UGGT2: variants seen among roughly 807,000 people sequenced by gnomAD.
UGGT2 encodes the protein UDP-glucose glycoprotein glucosyltransferase 2, also known as UDP-glucose:glycoprotein glucosyltransferase 2.
In UGGT2, 180 loss-of-function variants were observed where a neutral mutation model predicts 192.1. The observed-to-expected ratio is 0.94, with a 90% CI of 0.83 to 1.06. The LOEUF is 1.06. Among genes scored for constraint, UGGT2 ranks in the 50% least tolerant of loss-of-function variants. UGGT2 has a pLI of 0.00. For missense variants in UGGT2, 1,849 were observed against 1,795.7 expected (o/e 1.03, Z -0.54); for synonymous variants, 580 against 591.0 (o/e 0.98, Z 0.27).
chr13:95,877,766 C>T lies in UGGT2; in HGVS notation c.3319G>A (p.Gly1107Ser), dbSNP rs199906236. Residue 1107 changes from glycine (G) to serine (S), a missense_variant, in exon 28 of 39, where the codon GGT becomes AGT. Transcript: ENST00000376747. ...FDKVTEQPPR[G>S]LQFTLGTKNK... ...TTTGTGCCTAGTGTGAACTGCAGAC[C>T]CCGAGGAGGCTGTTCTGTCACTTTA... 11 of 1,613,904 alleles carry T rather than the reference C, an allele frequency of 6.8e-6. No individual in the cohort carries two copies. The highest frequency in any genetic ancestry group is 6.8e-6 in the Non-Finnish European group (8 of 1,179,956).
At chr13:95,935,630 T>C (rs1487543742) in intron 17 of UGGT2, among the ~76,000 whole-genome samples, 1 of 152,182 alleles carries the variant, frequency 6.6e-6, no homozygotes, top group Non-Finnish European at 1.5e-5. Context: ...CCTTGTATAG[T>C]ATCTCACAGT....
chr13:95,917,777 T>C (rs911688727), intron 20 of UGGT2, among the ~76,000 whole-genome samples: 1 of 151,958 alleles, frequency 6.6e-6, no homozygotes, highest in Non-Finnish European at 1.5e-5. Context: ...TTTCTGACTT[T>C]AAACCAACAA....
At chr13:95,807,317 T>C (rs1884353654) in intron 38 of UGGT2, among the ~76,000 whole-genome samples, 1 of 152,132 alleles carries the variant, frequency 6.6e-6, no homozygotes, top group African/African-American at 2.4e-5. Context: ...CTGTCTCAGG[T>C]GGCAGAAGTG....
chr13:95,853,139 A>C (rs374786395), intron 36 of UGGT2, among the ~76,000 whole-genome samples: 13 of 152,182 alleles, frequency 8.5e-5, no homozygotes, highest in African/African-American at 3.1e-4. Flanking sequence ...GTGAAGATGG[A>C]CGTGTTTGCT....
intron 37 of UGGT2, among the ~76,000 whole-genome samples, chr13:95,836,260 C>T (rs1290881046): frequency 3.3e-5 from 5 of 152,092 alleles, no homozygotes; most frequent in African/African-American, 4.8e-5. Context: ...ATGTTAGCAA[C>T]GCTGGTCTCG....
chr13:95,967,449 G>A (rs2050620012), intron 12 of UGGT2, among the ~76,000 whole-genome samples: 1 of 148,006 alleles, frequency 6.8e-6, no homozygotes, highest in Admixed American at 6.8e-5. Flanking sequence ...ACCACGCCCA[G>A]CCCCCACGCG....
At chr13:95,846,318 G>A (rs1006560555) in intron 36 of UGGT2, among the ~76,000 whole-genome samples, 20 of 152,144 alleles carry the variant, frequency 1.3e-4, no homozygotes, top group South Asian at 2.1e-4. Flanking sequence ...CCAGGCACTC[G>A]GCAGGCTGAG....
At chr13:96,024,026 C>T (rs1021545649) in intron 2 of UGGT2, among the ~76,000 whole-genome samples, 1 of 152,080 alleles carries the variant, frequency 6.6e-6, no homozygotes, top group African/African-American at 2.4e-5. Context: ...ACATTTCAGA[C>T]CAACTTACTC....
At position 95,909,782 on chromosome 13, in the gene UGGT2, A is replaced by AATAATAATAAT. The variant is rs369897411; in HGVS notation, c.2296-6723_2296-6722insATTATTATTAT. Among the ~76,000 whole-genome samples, 697 of 115,134 alleles carry AATAATAATAAT rather than the reference A, an allele frequency of 6.1e-3. 2 individuals are homozygous for AATAATAATAAT. The highest frequency in any genetic ancestry group is 8.4e-3 in the South Asian group (27 of 3,216). The allele number at this position is 115,134 out of a possible 152,430, so 75.5% of individuals were successfully genotyped here. On this transcript the variant is annotated intron_variant, in intron 20 of 38. Transcript: ENST00000376747. ...ATAATAATAATAATAATAATAATAA[A>AATAATAATAAT]AAAGATTCCTGCCCACTAAAAAAAA...
At chr13:96,039,139 T>G (rs1335081142) in intron 1 of UGGT2, among the ~76,000 whole-genome samples, 1 of 152,204 alleles carries the variant, frequency 6.6e-6, no homozygotes, top group Non-Finnish European at 1.5e-5. Flanking sequence ...CTCTGTGGCC[T>G]GATGCTTCAC....
chr13:95,848,301 G>A (rs1022826009), intron 36 of UGGT2, among the ~76,000 whole-genome samples: 1 of 152,244 alleles, frequency 6.6e-6, no homozygotes. Flanking sequence ...TTTAATTTCA[G>A]TGAAGTCCAG....
chr13:96,010,376 G>C (rs1317361090), intron 5 of UGGT2, among the ~76,000 whole-genome samples: 1 of 152,150 alleles, frequency 6.6e-6, no homozygotes, highest in African/African-American at 2.4e-5. Context: ...ATTTACCTAT[G>C]TAACAAACCT....
intron 11 of UGGT2, among the ~76,000 whole-genome samples, chr13:95,972,327 G>A (rs816138): frequency 0.97 from 147,984 of 152,298 alleles, 72,047 homozygotes; most frequent in East Asian, 1. Flanking sequence ...TCTTCAATAA[G>A]AGACAGTTTA....
At chr13:95,931,790 C>T (rs538901988) in intron 17 of UGGT2, among the ~76,000 whole-genome samples, 62 of 152,242 alleles carry the variant, frequency 4.1e-4, no homozygotes, top group Admixed American at 1.0e-3. Flanking sequence ...GAACGTGGCG[C>T]GGAGCCCTGG....
At chr13:96,005,360 CT>C (rs1418749863) in intron 5 of UGGT2, among the ~76,000 whole-genome samples, 1 of 152,140 alleles carries the variant, frequency 6.6e-6, no homozygotes, top group African/African-American at 2.4e-5. Flanking sequence ...TGTGAAGCCC[CT>C]GGTAGCTCCA....
At chr13:95,968,545 C>T (rs1594466392) in intron 12 of UGGT2, among the ~76,000 whole-genome samples, 1 of 152,056 alleles carries the variant, frequency 6.6e-6, no homozygotes, top group East Asian at 1.9e-4. Context: ...TGACTTCTAG[C>T]AAGACCAGGC....
chr13:95,994,055 C>A (rs61972953), intron 7 of UGGT2, among the ~76,000 whole-genome samples: 2 of 151,816 alleles, frequency 1.3e-5, no homozygotes, highest in Non-Finnish European at 2.9e-5. Context: ...GAGTAATAAA[C>A]GTTTTCTTTT....
chr13:96,043,477 A>G (rs1300513638), intron 1 of UGGT2, among the ~76,000 whole-genome samples: 2 of 152,184 alleles, frequency 1.3e-5, no homozygotes, highest in East Asian at 3.9e-4. Context: ...CAAGGTATAC[A>G]GGCAACAAAT....
chr13:95,841,382 A>C, intron 36 of UGGT2, among the ~76,000 whole-genome samples: 1 of 152,168 alleles, frequency 6.6e-6, no homozygotes, highest in East Asian at 1.9e-4. Context: ...TGTACCCTTG[A>C]CTGAAGATTG....
Sources: gnomAD v4.1 joint callset for allele counts (sites outside exome capture counted in the v4.1 genomes callset) on GRCh38, gnomAD v4.1.1 for gene constraint, MANE v1.5 for transcripts, NCBI Gene and HGNC (gene_info 2026-07-23, HGNC 2026-07-21) for gene names.